PCDHA2: variants seen among roughly 807,000 people sequenced by gnomAD.
PCDHA2 encodes the protein protocadherin alpha-2.
PCDHA2 carries 58 observed loss-of-function variants against 66.0 expected under a neutral mutation model. That is an observed-to-expected ratio of 0.88 (90% CI 0.71 to 1.09). The LOEUF is 1.09. Ranked by LOEUF, PCDHA2 falls within the 50% of genes least tolerant of loss-of-function variation. PCDHA2 has a pLI of 0.00. For missense variants in PCDHA2, 1,267 were observed against 1,242.3 expected, an observed-to-expected ratio of 1.02 and a Z score of -0.30; for synonymous variants, 634 against 554.0, an observed-to-expected ratio of 1.14 and a Z score of -2.03.
Position 141,010,424 on chromosome 5 carries a change from C to A in PCDHA2, c.*487C>A. ...CTTAGACTAATTGGTACAAGGAAGGCAAGAAAACAAAGACAAATAAACAGC... is the reference window on the plus strand; with the variant it reads ...CTTAGACTAATTGGTACAAGGAAGGAAAGAAAACAAAGACAAATAAACAGC... On this transcript the variant is annotated 3_prime_UTR_variant, in exon 4 of 4. Transcript: ENST00000526136. The A allele has an allele frequency of 9.0e-7, 1 of 1,113,698 alleles. No homozygotes were observed. The highest frequency in any genetic ancestry group is 1.2e-6 in the Non-Finnish European group (1 of 808,116). 69.0% of individuals were successfully genotyped at this position (1,113,698 alleles called of 1,614,324 possible). A position where few individuals can be genotyped will look rare whatever the true frequency, so the allele number is the denominator to read the frequency against.
At position 140,848,972 on chromosome 5, in the gene PCDHA2, T is replaced by C. The variant is rs17844324; in HGVS notation, c.2388+51620T>C. ...GGTTTCCACTAGAGGGCGCGTCCGA[T>C]GCAGATATCGGGGAGAACGCCCTGC... On this transcript the variant is annotated intron_variant, in intron 1 of 3. Coordinates refer to ENST00000526136, the MANE Select transcript of PCDHA2 (RefSeq NM_018905.3). The C allele has an allele frequency of 2.8e-5, 45 of 1,601,076 alleles. 3 individuals are homozygous for C. In the East Asian group the frequency reaches 9.8e-4, roughly 35 times the overall value.
At chr5:140,992,020 TGTGTG>T (rs1460938904) in intron 3 of PCDHA2, among the ~76,000 whole-genome samples, 1 of 51,270 alleles carries the variant, frequency 2.0e-5, no homozygotes, top group African/African-American at 5.9e-5. Flanking sequence ...GGTGGCTCTG[TGTGTG>T]TGTGTGTGTG....
intron 1 of PCDHA2, chr5:140,966,679 G>T: frequency 1.5e-6 from 2 of 1,317,678 alleles, no homozygotes; most frequent in Admixed American, 3.8e-5. Context: ...AGGGTGGCAC[G>T]AGCGGAGGCG....
intron 1 of PCDHA2, chr5:140,930,195 G>A (rs1427541259): frequency 6.6e-6 from 1 of 152,140 alleles, no homozygotes; most frequent in East Asian, 1.9e-4. Context: ...TAATTTTTAT[G>A]TCAGAAATAT....
At chr5:140,975,208 G>A (rs1449804050) in intron 1 of PCDHA2, among the ~76,000 whole-genome samples, 1 of 152,170 alleles carries the variant, frequency 6.6e-6, no homozygotes, top group African/African-American at 2.4e-5. Context: ...TTCATGGCTG[G>A]CACTGGAGAA....
chr5:140,855,868 A>C, intron 1 of PCDHA2: 1 of 837,366 alleles, frequency 1.2e-6, no homozygotes, highest in Non-Finnish European at 1.8e-6. Flanking sequence ...GCTGTCGTCC[A>C]CAAAATAGCT....
chr5:140,986,793 G>A lies in PCDHA2; in HGVS notation c.2536+4230G>A, dbSNP rs945707149. 6.6e-5 allele frequency among the ~76,000 whole-genome samples: 10 copies of A among 152,312 alleles called. No homozygotes were observed. In the East Asian group the frequency reaches 1.7e-3, roughly 26 times the overall value. ...TTAGGTAGCGGAAGCCACTAAGGCA[G>A]TGAGTCTTAGTTAGAGAACTTTGGT... On this transcript the variant is annotated intron_variant, in intron 3 of 3. Coordinates refer to ENST00000526136, the MANE Select transcript of PCDHA2 (RefSeq NM_018905.3).
chr5:140,846,369 CTTTCTTT>C (rs1320771612), intron 1 of PCDHA2, among the ~76,000 whole-genome samples: 4 of 102,192 alleles, frequency 3.9e-5, no homozygotes, highest in African/African-American at 3.8e-5. Flanking sequence ...TCTTTTCTTT[CTTTCTTT>C]TTTTTTTTTT....
At chr5:140,984,052 A>G (rs2097083396) in intron 3 of PCDHA2, among the ~76,000 whole-genome samples, 2 of 152,204 alleles carry the variant, frequency 1.3e-5, no homozygotes, top group African/African-American at 4.8e-5. Context: ...TCATTGACAA[A>G]TCTGTACCCT....
At chr5:140,861,503 C>A in intron 1 of PCDHA2, 1 of 478,536 alleles carries the variant, frequency 2.1e-6, no homozygotes, top group Non-Finnish European at 4.3e-6. Context: ...TGATAGACCT[C>A]GAGGAGCTGT....
At chr5:140,828,426 G>T (rs2150155253) in intron 1 of PCDHA2, 65 of 1,614,170 alleles carry the variant, frequency 4.0e-5, no homozygotes, top group Non-Finnish European at 5.4e-5. Flanking sequence ...ATCGTGGACA[G>T]GCCGCTGCAG....
chr5:140,882,357 A>G lies in PCDHA2; in HGVS notation c.2388+85005A>G, dbSNP rs1010659037. On this transcript the variant is annotated intron_variant, in intron 1 of 3. Transcript: ENST00000526136. Reference sequence around the variant, plus strand: ...GCAGCCTGGGAGACGGGTAGTGGCCAGCTCCACTACTCCGTCCCCGAGGAA... The same window carrying G: ...GCAGCCTGGGAGACGGGTAGTGGCCGGCTCCACTACTCCGTCCCCGAGGAA... 22 of 1,614,084 alleles carry G rather than the reference A, an allele frequency of 1.4e-5. No individual in the cohort carries two copies. In the Admixed American group the frequency reaches 2.5e-4, roughly 18 times the overall value.
chr5:141,004,500 T>C (rs1481568200), intron 3 of PCDHA2, among the ~76,000 whole-genome samples: 1 of 152,242 alleles, frequency 6.6e-6, no homozygotes, highest in Non-Finnish European at 1.5e-5. Context: ...GCAGTCCTGC[T>C]GTGAGGGGCT....
In PCDHA2 at chr5:140,797,236, G is replaced by T. The variant is rs1762201295; in HGVS notation, c.2272G>T (p.Val758Leu). ...WSYSQQRRQR[V>L]CSGEDPPKTD... is the part of the protein sequence containing the mutation. Reference sequence around the variant, plus strand: ...TTACTCGCAGCAGAGGCGGCAGAGGGTGTGCTCTGGGGAGGACCCCCCCAA... The same window carrying T: ...TTACTCGCAGCAGAGGCGGCAGAGGTTGTGCTCTGGGGAGGACCCCCCCAA... Residue 758 changes from valine (V) to leucine (L), a missense_variant, in exon 1 of 4, where the codon GTG (valine) becomes TTG (leucine). Coordinates refer to ENST00000526136, the MANE Select transcript of PCDHA2 (RefSeq NM_018905.3). The T allele has an allele frequency of 1.9e-6, 3 of 1,614,194 alleles. No individual in the cohort carries two copies. The highest frequency in any genetic ancestry group is 2.5e-6 in the Non-Finnish European group (3 of 1,180,054).
At chr5:140,828,481 G>A (rs2150155852) in intron 1 of PCDHA2, 2 of 1,614,204 alleles carry the variant, frequency 1.2e-6, no homozygotes, top group Admixed American at 1.7e-5. Flanking sequence ...ACGACAACCC[G>A]CCCTTGTTCC....
chr5:140,943,581 G>A (rs1022140100), intron 1 of PCDHA2, among the ~76,000 whole-genome samples: 1 of 152,168 alleles, frequency 6.6e-6, no homozygotes, highest in Non-Finnish European at 1.5e-5. Flanking sequence ...GTTGATCTGA[G>A]TGGGGCTGAA....
rs2150492048 is a variant in PCDHA2, at chr5:140,850,648, A to T, written c.2388+53296A>T. The T allele has an allele frequency of 6.9e-6, 11 of 1,598,398 alleles. No individual in the cohort carries two copies. In the South Asian group the frequency reaches 1.1e-4, roughly 16 times the overall value. On this transcript the variant is annotated intron_variant, in intron 1 of 3. Coordinates refer to ENST00000526136, the MANE Select transcript of PCDHA2 (RefSeq NM_018905.3). ...CTGTTGGTTCTCACGCTGCTGCTGT[A>T]CACTGTGCTGCGGTGCTCGGCGATG...
At chr5:140,887,770 G>A (rs2061571546) in intron 1 of PCDHA2, among the ~76,000 whole-genome samples, 2 of 152,072 alleles carry the variant, frequency 1.3e-5, no homozygotes, top group South Asian at 4.1e-4. Flanking sequence ...ATGTTACAAT[G>A]ACACAGGTCA....
chr5:140,927,813 G>A, intron 1 of PCDHA2: 1 of 1,614,176 alleles, frequency 6.2e-7, no homozygotes, highest in Non-Finnish European at 8.5e-7. Context: ...CGCTCTTGGA[G>A]GCATACATTG....
Sources: allele counts gnomAD v4.1 joint callset (sites outside exome capture counted in the v4.1 genomes callset), GRCh38; gene constraint gnomAD v4.1.1; transcripts MANE v1.5; gene names NCBI Gene and HGNC (gene_info 2026-07-23, HGNC 2026-07-21).